The following OLAH variants were observed in gnomAD, a reference collection of about 807,000 sequenced individuals.
The protein encoded by OLAH is S-acyl fatty acid synthase thioesterase, medium chain.
Under a neutral mutation model 27.8 loss-of-function variants are expected in OLAH, and 33 were observed. The ratio of observed to expected loss-of-function variants is 1.19; its 90% CI spans 0.90 to 1.59. The LOEUF is 1.59. OLAH is among the 40% of genes most tolerant of loss of function. The pLI, the probability that OLAH is intolerant of heterozygous loss-of-function variation, is 0.00. For missense variants in OLAH, 359 were observed against 310.8 expected (o/e 1.16, Z -1.17); for synonymous variants, 120 against 102.9 (o/e 1.17, Z -1.01).
At chr10:15,045,917 G>A (rs906307920) in intron 1 of OLAH, among the ~76,000 whole-genome samples, 1 of 152,130 alleles carries the variant, frequency 6.6e-6, no homozygotes, top group African/African-American at 2.4e-5. Flanking sequence ...TGTAATTCCA[G>A]CTACTTGGGA....
At chr10:15,051,078 A>ATTATTT (rs1264021756) in intron 3 of OLAH, among the ~76,000 whole-genome samples, 32 of 134,840 alleles carry the variant, frequency 2.4e-4, no homozygotes, top group African/African-American at 8.8e-4. Flanking sequence ...TATTATTATT[A>ATTATTT]TTTTTTTTTT....
chr10:15,032,620 CAAAAAAAA>C (rs71390005), intron 1 of OLAH, among the ~76,000 whole-genome samples: 38 of 95,656 alleles, frequency 4.0e-4, no homozygotes, highest in African/African-American at 1.6e-3. Context: ...GACTCAGTTT[CAAAAAAAA>C]AAAAAAAAAA....
chr10:15,046,531 G>T (rs886834664), intron 1 of OLAH, among the ~76,000 whole-genome samples: 1 of 151,676 alleles, frequency 6.6e-6, no homozygotes, highest in East Asian at 2.0e-4. Context: ...GCAGTGGCGC[G>T]ATCTCAGCTC....
At chr10:15,058,514 T>C (rs1589247214) in intron 3 of OLAH, among the ~76,000 whole-genome samples, 1 of 152,236 alleles carries the variant, frequency 6.6e-6, no homozygotes. Flanking sequence ...TTTGTGCTAC[T>C]TTTGTAAAAC....
At chr10:15,053,368 T>C (rs1438138910) in intron 3 of OLAH, among the ~76,000 whole-genome samples, 2 of 152,206 alleles carry the variant, frequency 1.3e-5, no homozygotes, top group African/African-American at 2.4e-5. Flanking sequence ...TTTCAGAAAC[T>C]GGTCAAGTGG....
At chr10:15,047,833 G>A (rs576114348) in intron 2 of OLAH, among the ~76,000 whole-genome samples, 18 of 152,132 alleles carry the variant, frequency 1.2e-4, no homozygotes, top group Non-Finnish European at 2.4e-4. Context: ...TTTCGTTTGT[G>A]CCTAGGTTCA....
In OLAH at chr10:15,071,775, C is replaced by T. The variant is rs144240780; in HGVS notation, c.573-20C>T. Reference sequence around the variant, plus strand: ...ATGTTGATTTCAAACAATTACTAACCAGCTCTTTTATGTTTATAGCTCTAA... The same window carrying T: ...ATGTTGATTTCAAACAATTACTAACTAGCTCTTTTATGTTTATAGCTCTAA... On this transcript the variant is annotated intron_variant, in intron 6 of 7. Coordinates refer to ENST00000378228, the MANE Select transcript of OLAH (RefSeq NM_001039702.3). The T allele has an allele frequency of 5.6e-4, 884 of 1,579,054 alleles. 6 individuals carry two copies. In the African/African-American group the frequency reaches 0.011, roughly 19 times the overall value.
chr10:15,069,594 C>T (rs2400121), intron 6 of OLAH, among the ~76,000 whole-genome samples: 99,345 of 152,082 alleles, frequency 0.65, 32,846 homozygotes, highest in East Asian at 0.96. Context: ...TGGCTGGGCA[C>T]GGTGGCTCAT....
chr10:15,058,620 T>C (rs1029706716), intron 3 of OLAH, among the ~76,000 whole-genome samples: 3 of 152,118 alleles, frequency 2.0e-5, no homozygotes, highest in Admixed American at 6.6e-5. Context: ...TCTGAGTTTG[T>C]GGGGGGGAAA....
At chr10:15,054,484 C>T (rs986553901) in intron 3 of OLAH, among the ~76,000 whole-genome samples, 3 of 152,174 alleles carry the variant, frequency 2.0e-5, no homozygotes, top group Admixed American at 1.3e-4. Context: ...CATTACGATT[C>T]GCTGCTGCTA....
At chr10:15,056,396 AATT>A (rs1844245573) in intron 3 of OLAH, among the ~76,000 whole-genome samples, 1 of 152,176 alleles carries the variant, frequency 6.6e-6, no homozygotes, top group Non-Finnish European at 1.5e-5. Context: ...TCTCCAAAGG[AATT>A]ATAATAATTT....
At chr10:15,061,655 GC>G (rs34081921) in intron 3 of OLAH, 68 bp from the exon 4 acceptor site, 2 of 1,380,450 alleles carry the variant, frequency 1.4e-6, no homozygotes, top group Admixed American at 5.4e-5. Context: ...GTAAATATGA[GC>G]CCTTTTATAA....
intron 3 of OLAH, among the ~76,000 whole-genome samples, chr10:15,057,498 G>A (rs929935978): frequency 6.9e-6 from 1 of 145,858 alleles, no homozygotes; most frequent in African/African-American, 2.5e-5. Context: ...CGATTCTCTT[G>A]CCACAGCCTT....
intron 3 of OLAH, among the ~76,000 whole-genome samples, chr10:15,053,705 T>C (rs1165530202): frequency 1.3e-5 from 2 of 151,916 alleles, no homozygotes; most frequent in Non-Finnish European, 2.9e-5. Context: ...CTTTTTTGTT[T>C]CTGTTCTAAG....
chr10:15,065,683 G>A lies in OLAH; in HGVS notation c.502G>A (p.Glu168Lys). 2.5e-6 allele frequency: 4 copies of A among 1,614,162 alleles called. No homozygotes were observed. The East Asian group carries it at 6.7e-5, about 27-fold the overall frequency. ...EFGGTPKHFA[E>K]AKEFVKQCSP... ...TGGAGGCACCCCCAAGCATTTTGCT[G>A]AAGCCAAGGAATTTGTGAAACAATG... The change falls in exon 6 of 8, where the codon GAA becomes AAA. Residue 168 changes from glutamate to lysine, a missense_variant. Transcript: ENST00000378228.
At chr10:15,064,214 G>T (rs1036499844) in intron 4 of OLAH, among the ~76,000 whole-genome samples, 189 bp from the exon 5 acceptor site, 1 of 152,124 alleles carries the variant, frequency 6.6e-6, no homozygotes, top group African/African-American at 2.4e-5. Flanking sequence ...AATTATCTAG[G>T]CTGTCTTTGA....
At chr10:15,068,752 G>A (rs1271122765) in intron 6 of OLAH, among the ~76,000 whole-genome samples, 3 of 152,256 alleles carry the variant, frequency 2.0e-5, no homozygotes, top group East Asian at 1.9e-4. Context: ...GAGACTGAAG[G>A]TAATGTTTTA....
chr10:15,053,954 T>C (rs1844195469), intron 3 of OLAH, among the ~76,000 whole-genome samples: 1 of 152,172 alleles, frequency 6.6e-6, no homozygotes, highest in Non-Finnish European at 1.5e-5. Flanking sequence ...AGGCTGGTAT[T>C]GTACTCAGTC....
chr10:15,051,971 A>G (rs1440932406), intron 3 of OLAH, among the ~76,000 whole-genome samples: 3 of 152,140 alleles, frequency 2.0e-5, no homozygotes, highest in African/African-American at 7.2e-5. Context: ...TGTCCCAGTA[A>G]AACTTTATGT....
Sources: gnomAD v4.1 joint callset for allele counts (sites outside exome capture counted in the v4.1 genomes callset) on GRCh38, gnomAD v4.1.1 for gene constraint, MANE v1.5 for transcripts, NCBI Gene and HGNC (gene_info 2026-07-23, HGNC 2026-07-21) for gene names.